Variants in P4HA1 observed in about 807,000 individuals in gnomAD.
P4HA1 encodes prolyl 4-hydroxylase subunit alpha 1, also known as prolyl 4-hydroxylase subunit alpha-1.
A neutral mutation model predicts 72.8 loss-of-function variants in P4HA1; 24 were observed. That is an observed-to-expected ratio of 0.33 (90% CI 0.24 to 0.46). P4HA1 has a LOEUF of 0.46. Ranked by LOEUF, P4HA1 falls within the 20% of genes least tolerant of loss-of-function variation. The pLI is 1.00. For synonymous variants in P4HA1, 201 were observed against 218.8 expected, an observed-to-expected ratio of 0.92 and a Z score of 0.72; for missense variants, 446 against 640.6, an observed-to-expected ratio of 0.70 and a Z score of 3.28.
intron 9 of P4HA1, among the ~76,000 whole-genome samples, chr10:73,037,547 ATATATATATATATATATATATATAT>A (rs1448206367): frequency 8.3e-4 from 23 of 27,590 alleles, no homozygotes; most frequent in Middle Eastern, 0.011. Flanking sequence ...ATATATATAT[ATATATATATATATATATATATATAT>A]TTTTTTTTTT....
At chr10:73,034,516 G>A (rs569078052) in intron 9 of P4HA1, among the ~76,000 whole-genome samples, 56 of 151,154 alleles carry the variant, frequency 3.7e-4, no homozygotes, top group African/African-American at 1.3e-3. Context: ...CCTATTCTAG[G>A]TATCTCCTGT....
At chr10:73,046,201 G>A (rs572298357) in intron 8 of P4HA1, among the ~76,000 whole-genome samples, 2 of 152,228 alleles carry the variant, frequency 1.3e-5, no homozygotes, top group South Asian at 2.1e-4. Flanking sequence ...GCCAACTCCT[G>A]TGTAAGACAG....
intron 10 of P4HA1, among the ~76,000 whole-genome samples, chr10:73,021,758 G>A (rs1840141062): frequency 6.6e-6 from 1 of 152,198 alleles, no homozygotes; most frequent in South Asian, 2.1e-4. Context: ...ATGACAGACT[G>A]TACCTGGAAA....
At position 73,078,250 on chromosome 10, in the gene P4HA1, C is replaced by T. The variant is rs963818547; in HGVS notation, c.-32-3335G>A. Among the ~76,000 whole-genome samples the T allele has an allele frequency of 7.2e-5, 11 of 152,076 alleles. 1 individual carries two copies. The East Asian group carries it at 1.7e-3, about 24-fold the overall frequency. ...GTTAGCTCAACAAAAAATGCTCAAA[C>T]TTATTAGTAATTAATGACACAAAAT... On this transcript the variant is annotated intron_variant, in intron 1 of 14. Transcript: ENST00000394890.
At chr10:73,065,309 A>C (rs184610291) in intron 5 of P4HA1, 1 of 152,302 alleles carries the variant, frequency 6.6e-6, no homozygotes, top group East Asian at 1.9e-4. Flanking sequence ...ACAATCTGAA[A>C]ACTGAAGGAA....
intron 5 of P4HA1, among the ~76,000 whole-genome samples, chr10:73,061,500 C>A (rs1447666305): frequency 6.6e-6 from 1 of 152,098 alleles, no homozygotes; most frequent in African/African-American, 2.4e-5. Flanking sequence ...TGTAAAACAA[C>A]AACTTTGAGA....
In P4HA1 at chr10:73,082,245, A is replaced by G. The variant is rs374240909; in HGVS notation, c.-32-7330T>C. 6.6e-5 allele frequency among the ~76,000 whole-genome samples: 10 copies of G among 152,314 alleles called. No homozygotes were observed. In the East Asian group the frequency reaches 1.3e-3, roughly 21 times the overall value. On this transcript the variant is annotated intron_variant, in intron 1 of 14. Coordinates refer to ENST00000394890, the MANE Select transcript of P4HA1 (RefSeq NM_001017962.3). ...AGTATTTTCAACTTACAGTTGGTTT[A>G]TCAGGACACAGCCCCATAAGTCAAG...
intron 12 of P4HA1, among the ~76,000 whole-genome samples, chr10:73,012,803 T>C (rs1839935191): frequency 6.6e-6 from 1 of 152,140 alleles, no homozygotes; most frequent in South Asian, 2.1e-4. Context: ...TTTTTTATTT[T>C]TATTTTTTGA....
chr10:73,035,884 C>T (rs936753660), intron 9 of P4HA1, among the ~76,000 whole-genome samples: 5 of 152,076 alleles, frequency 3.3e-5, no homozygotes, highest in Admixed American at 6.6e-5. Flanking sequence ...ATTTGCATTT[C>T]TTGTTATATC....
intron 9 of P4HA1, among the ~76,000 whole-genome samples, chr10:73,039,653 C>CA (rs1417010089): frequency 6.6e-6 from 1 of 151,878 alleles, no homozygotes; most frequent in Non-Finnish European, 1.5e-5. Context: ...AATATTTTGC[C>CA]AAAAAAATTC....
intron 9 of P4HA1, among the ~76,000 whole-genome samples, chr10:73,042,711 CAG>C (rs911098893): frequency 6.6e-6 from 1 of 150,746 alleles, no homozygotes; most frequent in Non-Finnish European, 1.5e-5. Flanking sequence ...TAATTCTCAA[CAG>C]GGGTGGAGTC....
At chr10:73,013,301 CTG>C (rs1008933878) in intron 12 of P4HA1, among the ~76,000 whole-genome samples, 1 of 152,218 alleles carries the variant, frequency 6.6e-6, no homozygotes, top group Non-Finnish European at 1.5e-5. Flanking sequence ...AAATTAACAT[CTG>C]TGACTTCTGA....
At chr10:73,066,543 G>A (rs920465720) in intron 5 of P4HA1, among the ~76,000 whole-genome samples, 35 of 151,970 alleles carry the variant, frequency 2.3e-4, no homozygotes, top group Non-Finnish European at 5.9e-5. Context: ...TTGAGATAGG[G>A]GTCTCACTCT....
chr10:73,063,389 C>T (rs1841353609), intron 5 of P4HA1, among the ~76,000 whole-genome samples: 2 of 152,166 alleles, frequency 1.3e-5, no homozygotes, highest in South Asian at 4.1e-4. Flanking sequence ...GCCTTAAATC[C>T]CATTCCTGTA....
intron 7 of P4HA1, among the ~76,000 whole-genome samples, chr10:73,047,494 T>C (rs146640024): frequency 2.9e-4 from 26 of 90,168 alleles, no homozygotes; most frequent in African/African-American, 9.5e-4. Context: ...AAAAAGTTTC[T>C]AGAAGAAAAA....
At chr10:73,046,440 G>C (rs1048668498) in intron 8 of P4HA1, among the ~76,000 whole-genome samples, 1 of 152,056 alleles carries the variant, frequency 6.6e-6, no homozygotes, top group Non-Finnish European at 1.5e-5. Context: ...AAATTCTGTG[G>C]GTTAAAGTCA....
chr10:73,082,044 C>T (rs1192995251), intron 1 of P4HA1, among the ~76,000 whole-genome samples: 1 of 152,206 alleles, frequency 6.6e-6, no homozygotes, highest in East Asian at 1.9e-4. Context: ...ACTTTGACCC[C>T]ACAACCATTC....
intron 1 of P4HA1, among the ~76,000 whole-genome samples, chr10:73,094,402 G>C (rs890433858): frequency 6.6e-6 from 1 of 152,106 alleles, no homozygotes; most frequent in Non-Finnish European, 1.5e-5. Flanking sequence ...CTTGAGTGGG[G>C]GGGCAGGAAG....
intron 1 of P4HA1, among the ~76,000 whole-genome samples, chr10:73,089,710 T>TAAAAAAAAAAAAAAAAAA (rs10700344): frequency 1.0e-5 from 1 of 95,902 alleles, no homozygotes; most frequent in Non-Finnish European, 2.2e-5. Context: ...TTCCCCGTGC[T>TAAAAAAAAAAAAAAAAAA]AAAAAAAAAA....
Sources: gnomAD v4.1 joint callset for allele counts (sites outside exome capture counted in the v4.1 genomes callset) on GRCh38, gnomAD v4.1.1 for gene constraint, MANE v1.5 for transcripts, NCBI Gene and HGNC (gene_info 2026-07-23, HGNC 2026-07-21) for gene names.